Variants in ITSN1 observed in about 807,000 individuals in gnomAD.
ITSN1 encodes the protein intersectin 1.
ITSN1 carries 58 observed loss-of-function variants against 239.8 expected under a neutral mutation model. That is an observed-to-expected ratio of 0.24 (90% CI 0.20 to 0.30). The LOEUF (loss-of-function observed/expected upper bound fraction) is 0.30. ITSN1 is among the 10% of genes least tolerant of loss of function. ITSN1 has a pLI of 1.00. For synonymous variants in ITSN1, 780 were observed against 770.8 expected, an observed-to-expected ratio of 1.01 and a Z score of -0.20; for missense variants, 1,558 against 2,103.3, an observed-to-expected ratio of 0.74 and a Z score of 5.07.
chr21:33,796,384 A>G (rs2071563231), intron 17 of ITSN1, among the ~76,000 whole-genome samples: 1 of 152,274 alleles, frequency 6.6e-6, no homozygotes, highest in Admixed American at 6.5e-5. Flanking sequence ...AAAATGTTTA[A>G]GATTTAAGTT....
chr21:33,764,791 A>G (rs1467655796), intron 9 of ITSN1, among the ~76,000 whole-genome samples: 2 of 152,216 alleles, frequency 1.3e-5, no homozygotes, highest in East Asian at 1.9e-4. Context: ...GTTGTCATGT[A>G]TCTTCTTTTG....
chr21:33,714,020 C>T (rs143608002), intron 1 of ITSN1, among the ~76,000 whole-genome samples: 8,384 of 151,676 alleles, frequency 0.055, 792 homozygotes, highest in African/African-American at 0.19. Flanking sequence ...TTGGTGGAGA[C>T]GGGGTTTTAC....
chr21:33,858,201 G>A (rs767967820), intron 30 of ITSN1, among the ~76,000 whole-genome samples: 1 of 152,214 alleles, frequency 6.6e-6, no homozygotes, highest in Non-Finnish European at 1.5e-5. Context: ...CAGCGATGGA[G>A]TCAGTCACCG....
intron 10 of ITSN1, among the ~76,000 whole-genome samples, chr21:33,766,923 G>A (rs1048655367): frequency 2.6e-5 from 4 of 152,206 alleles, no homozygotes; most frequent in South Asian, 4.1e-4. Context: ...ATCCCAGCAC[G>A]TTGGGAGGCC....
chr21:33,829,109 G>C (rs1406333997), intron 26 of ITSN1: 1 of 427,394 alleles, frequency 2.3e-6, no homozygotes, highest in East Asian at 7.0e-5. Context: ...CAACAACATA[G>C]AAATAAGCCC....
chr21:33,724,587 A>G (rs979114449), intron 4 of ITSN1, among the ~76,000 whole-genome samples: 8 of 152,148 alleles, frequency 5.3e-5, no homozygotes, highest in Non-Finnish European at 8.8e-5. Flanking sequence ...TATATTCCCA[A>G]TTTTTCAAAG....
At chr21:33,883,736 G>A (rs1414380115) in intron 36 of ITSN1, 65 bp downstream of exon 36, 13 of 1,568,696 alleles carry the variant, frequency 8.3e-6, no homozygotes, top group African/African-American at 5.4e-5. Flanking sequence ...CACAAGGGGC[G>A]GGTGATTAAT....
intron 16 of ITSN1, among the ~76,000 whole-genome samples, chr21:33,793,704 T>C (rs1012300794): frequency 2.6e-5 from 4 of 152,222 alleles, no homozygotes; most frequent in African/African-American, 4.8e-5. Context: ...TATAGCTTTT[T>C]ACTTTTAACC....
At chr21:33,791,218 T>C (rs534768335) in intron 16 of ITSN1, among the ~76,000 whole-genome samples, 27 of 152,354 alleles carry the variant, frequency 1.8e-4, no homozygotes, top group African/African-American at 6.3e-4. Context: ...CTGGGCAGCA[T>C]GTTGATTTCC....
chr21:33,688,963 C>T (rs1454015656), intron 1 of ITSN1, among the ~76,000 whole-genome samples: 1 of 152,066 alleles, frequency 6.6e-6, no homozygotes, highest in East Asian at 1.9e-4. Context: ...ACTGGAATTA[C>T]AAGCACGCCC....
At chr21:33,787,874 A>T (rs1018004413) in intron 16 of ITSN1, among the ~76,000 whole-genome samples, 3 of 152,132 alleles carry the variant, frequency 2.0e-5, no homozygotes, top group African/African-American at 7.2e-5. Flanking sequence ...TACCTATATG[A>T]TCCTTTGGAA....
intron 1 of ITSN1, among the ~76,000 whole-genome samples, chr21:33,674,557 T>G (rs1218160397): frequency 6.6e-6 from 1 of 152,118 alleles, no homozygotes; most frequent in Non-Finnish European, 1.5e-5. Context: ...CCAGTGTGTT[T>G]GGGAACAGGA....
chr21:33,885,657 A>G (rs1174631260), intron 38 of ITSN1, 135 bp downstream of exon 38: 4 of 674,012 alleles, frequency 5.9e-6, no homozygotes, highest in South Asian at 3.6e-5. Flanking sequence ...TGGTTTAACT[A>G]GCACTTGTTA....
At chr21:33,799,742 G>C (rs2071832225) in intron 18 of ITSN1, 66 bp from the exon 19 acceptor site, 5 of 1,562,606 alleles carry the variant, frequency 3.2e-6, no homozygotes, top group South Asian at 2.3e-5. Flanking sequence ...TGTTTGGCTT[G>C]TTGTCATACA....
intron 33 of ITSN1, among the ~76,000 whole-genome samples, chr21:33,869,667 T>C (rs1982370710): frequency 1.3e-5 from 2 of 152,346 alleles, no homozygotes; most frequent in South Asian, 2.1e-4. Context: ...TCTGAGCCTA[T>C]GTTTGTAAAA....
chr21:33,738,683 A>T (rs1263935906), intron 5 of ITSN1, among the ~76,000 whole-genome samples: 1 of 152,070 alleles, frequency 6.6e-6, no homozygotes, highest in Non-Finnish European at 1.5e-5. Flanking sequence ...TACAGGCATG[A>T]GCCACCGCAC....
chr21:33,671,962 G>T (rs1297897139), intron 1 of ITSN1, among the ~76,000 whole-genome samples: 5 of 151,916 alleles, frequency 3.3e-5, no homozygotes, highest in Non-Finnish European at 7.4e-5. Flanking sequence ...CGATGTCTTG[G>T]CTGGGCACAG....
intron 1 of ITSN1, among the ~76,000 whole-genome samples, chr21:33,670,452 T>G (rs558058524): frequency 4.6e-4 from 70 of 152,244 alleles, no homozygotes; most frequent in Non-Finnish European, 8.8e-4. Flanking sequence ...CCATGTAAAG[T>G]TAGTATACAT....
At chr21:33,675,186 T>C (rs2090516877) in intron 1 of ITSN1, among the ~76,000 whole-genome samples, 1 of 152,150 alleles carries the variant, frequency 6.6e-6, no homozygotes, top group Non-Finnish European at 1.5e-5. Context: ...TGAAAAACTT[T>C]GTTGTAGCTG....
Sources: allele counts gnomAD v4.1 joint callset (sites outside exome capture counted in the v4.1 genomes callset), GRCh38; gene constraint gnomAD v4.1.1; transcripts MANE v1.5; gene names NCBI Gene and HGNC (gene_info 2026-07-23, HGNC 2026-07-21).